Variants in C12orf42 observed in about 807,000 individuals in gnomAD.
The protein encoded by C12orf42 is uncharacterized protein C12orf42.
Under a neutral mutation model 21.6 loss-of-function variants are expected in C12orf42, and 25 were observed. That is an observed-to-expected ratio of 1.16 (90% CI 0.84 to 1.62). The LOEUF is 1.62. Among genes scored for constraint, C12orf42 ranks in the 40% most tolerant of loss-of-function variants. The probability of loss-of-function intolerance (pLI) is 0.00; values close to 1 mark genes in which losing one functional copy is unlikely to be tolerated. For missense variants in C12orf42, 483 were observed against 459.3 expected (o/e 1.05, Z -0.47); for synonymous variants, 174 against 175.0 (o/e 0.99, Z 0.05).
chr12:103,393,815 A>G (rs1313590456), intron 3 of C12orf42, among the ~76,000 whole-genome samples: 1 of 152,206 alleles, frequency 6.6e-6, no homozygotes, highest in Non-Finnish European at 1.5e-5. Flanking sequence ...ATCAAAACCT[A>G]TGGCATTTAT....
intron 2 of C12orf42, among the ~76,000 whole-genome samples, chr12:103,458,332 A>T (rs1038476837): frequency 5.9e-5 from 9 of 152,082 alleles, no homozygotes; most frequent in African/African-American, 2.2e-4. Flanking sequence ...TTGTAGAAAA[A>T]AAAAAATAGT....
At chr12:103,496,203 C>T (rs999188536), upstream of C12orf42, among the ~76,000 whole-genome samples, 5 of 152,138 alleles carry the variant, frequency 3.3e-5, no homozygotes, top group African/African-American at 1.2e-4. Context: ...AGGGGGATCC[C>T]GATGTTTATC....
intron 4 of C12orf42, among the ~76,000 whole-genome samples, chr12:103,343,284 GATAAAA>G (rs1379353583): frequency 6.6e-6 from 1 of 151,848 alleles, no homozygotes; most frequent in Non-Finnish European, 1.5e-5. Flanking sequence ...TTTTTGCCCT[GATAAAA>G]ATAATAATTC....
At chr12:103,051,355 T>G in the C12orf42 span, among the ~76,000 whole-genome samples, 1 of 152,120 alleles carries the variant, frequency 6.6e-6, no homozygotes, top group African/African-American at 2.4e-5. Flanking sequence ...TATATAAGCC[T>G]TAAGAGGATA....
the C12orf42 span, among the ~76,000 whole-genome samples, chr12:103,198,084 T>TAC: frequency 2.6e-5 from 4 of 152,046 alleles, no homozygotes; most frequent in South Asian, 4.2e-4. Flanking sequence ...CCTGTGCACA[T>TAC]ACACACACAC....
the C12orf42 span, among the ~76,000 whole-genome samples, chr12:103,545,265 C>T: frequency 2.0e-5 from 3 of 152,164 alleles, no homozygotes; most frequent in African/African-American, 7.2e-5. Flanking sequence ...CCAACTCTAG[C>T]ACGCATTCCA....
chr12:103,531,675 A>G, the C12orf42 span, among the ~76,000 whole-genome samples: 4 of 152,222 alleles, frequency 2.6e-5, no homozygotes, highest in Admixed American at 2.6e-4. Flanking sequence ...AAATATATCA[A>G]TTCCTAGAAT....
the C12orf42 span, among the ~76,000 whole-genome samples, chr12:103,213,915 TG>T: frequency 6.6e-6 from 1 of 152,232 alleles, no homozygotes; most frequent in Non-Finnish European, 1.5e-5. Flanking sequence ...TTCCATGGAT[TG>T]ATACCCAGCA....
intron 3 of C12orf42, among the ~76,000 whole-genome samples, chr12:103,380,855 C>A (rs1033358998): frequency 5.3e-5 from 8 of 152,114 alleles, no homozygotes; most frequent in African/African-American, 1.7e-4. Context: ...ACTTTATTAT[C>A]CCCATCCTAC....
chr12:103,384,766 G>A (rs2046466617), intron 3 of C12orf42, among the ~76,000 whole-genome samples: 1 of 152,196 alleles, frequency 6.6e-6, no homozygotes, highest in African/African-American at 2.4e-5. Flanking sequence ...GGTATTCAAA[G>A]ATGTCTATTG....
the C12orf42 span, among the ~76,000 whole-genome samples, chr12:103,090,994 A>AG: frequency 6.6e-6 from 1 of 151,912 alleles, no homozygotes; most frequent in African/African-American, 2.4e-5. Context: ...AAAAAAAAAA[A>AG]GAATACAAAA....
chr12:103,216,523 G>A, the C12orf42 span, among the ~76,000 whole-genome samples: 1 of 151,702 alleles, frequency 6.6e-6, no homozygotes, highest in Non-Finnish European at 1.5e-5. Flanking sequence ...GTAGGCTCCT[G>A]CCACCACGCC....
chr12:103,302,326 G>A lies in C12orf42; in HGVS notation c.865C>T (p.Pro289Ser). ...GGCCTCCTGTCCCGCGGGGTATGAG[G>A]ATGCTTGGGGAGCATCTCCGGCGCC... ...AMAPEMLPKH[P>S]HTPRDRRPQA... The change falls in exon 6 of 6, where the codon CCT becomes TCT. Residue 289 changes from proline to serine, a missense_variant. Coordinates refer to ENST00000548883, the MANE Select transcript of C12orf42 (RefSeq NM_198521.5). 6.2e-7 allele frequency: 1 copy of A among 1,613,958 alleles called. No individual in the cohort carries two copies. The highest frequency in any genetic ancestry group is 1.1e-5 in the South Asian group (1 of 91,082).
At chr12:103,210,639 C>CTTTTTTTTTTTTTTTTTTTT in the C12orf42 span, among the ~76,000 whole-genome samples, 6 of 77,626 alleles carry the variant, frequency 7.7e-5, no homozygotes, top group Admixed American at 1.5e-4. Context: ...CCCTCTATTT[C>CTTTTTTTTTTTTTTTTTTTT]TTTTTTTTTT....
the C12orf42 span, among the ~76,000 whole-genome samples, chr12:103,166,026 C>A: frequency 2.8e-5 from 4 of 144,712 alleles, no homozygotes; most frequent in African/African-American, 1.0e-4. Context: ...GGTGACAGAG[C>A]GAGACTCCGT....
At chr12:103,524,339 A>G in the C12orf42 span, among the ~76,000 whole-genome samples, 2 of 152,218 alleles carry the variant, frequency 1.3e-5, no homozygotes, top group African/African-American at 4.8e-5. Context: ...AGTTGGCAAG[A>G]ACAGATTCCC....
At chr12:103,371,622 C>T (rs1367223115) in intron 3 of C12orf42, among the ~76,000 whole-genome samples, 1 of 152,134 alleles carries the variant, frequency 6.6e-6, no homozygotes, top group Non-Finnish European at 1.5e-5. Context: ...AGCAGCGATT[C>T]CAAGAGAGGG....
intron 4 of C12orf42, among the ~76,000 whole-genome samples, chr12:103,325,585 C>A (rs1255116433): frequency 6.6e-6 from 1 of 152,178 alleles, no homozygotes; most frequent in Non-Finnish European, 1.5e-5. Flanking sequence ...GCTGAAGCTG[C>A]CTTGGGACAA....
At chr12:103,126,737 G>A in the C12orf42 span, among the ~76,000 whole-genome samples, 10 of 149,818 alleles carry the variant, frequency 6.7e-5, no homozygotes, top group East Asian at 9.7e-4. Flanking sequence ...ATAACAGTTC[G>A]TTTTTTCCGA....
Sources: gnomAD v4.1 joint callset for allele counts (sites outside exome capture counted in the v4.1 genomes callset) on GRCh38, gnomAD v4.1.1 for gene constraint, MANE v1.5 for transcripts, NCBI Gene and HGNC (gene_info 2026-07-23, HGNC 2026-07-21) for gene names.